The following FSCN1 variants were observed in gnomAD, a reference collection of about 807,000 sequenced individuals.
FSCN1 encodes the protein fascin.
Under a neutral mutation model 39.7 loss-of-function variants are expected in FSCN1, and 10 were observed. The observed-to-expected ratio is 0.25, with a 90% CI of 0.16 to 0.43. The LOEUF (loss-of-function observed/expected upper bound fraction) is 0.43. Ranked by LOEUF, FSCN1 falls within the 20% of genes least tolerant of loss-of-function variation. The probability of loss-of-function intolerance (pLI) is 1.00; values close to 1 mark genes in which losing one functional copy is unlikely to be tolerated. For synonymous variants in FSCN1, 322 were observed against 320.0 expected, an observed-to-expected ratio of 1.01 and a Z score of -0.07; for missense variants, 525 against 723.8, an observed-to-expected ratio of 0.73 and a Z score of 3.15.
In FSCN1 at chr7:5,603,001, T is replaced by C. The variant is rs1785861500; in HGVS notation, c.833-256T>C. ...TTGCGATCACAGGCATGAGCCCCTG[T>C]CCCTGGCCCCTATTATTTCTCTAAC... On this transcript the variant is annotated intron_variant, in intron 1 of 4. Coordinates refer to ENST00000382361, the MANE Select transcript of FSCN1 (RefSeq NM_003088.4). The surrounding 1 kb of genome is among the most constrained non-coding windows in gnomAD (Gnocchi z 8.5). 1 of 545,536 alleles carries C rather than the reference T, an allele frequency of 1.8e-6. No homozygotes were observed. Among genetic ancestry groups the C allele is most frequent in the South Asian group, 2.1e-5 (1 of 47,358 alleles). The allele number at this position is 545,536 out of a possible 1,614,324, so 33.8% of individuals were successfully genotyped here.
rs1191532651 is a variant in FSCN1 at position 5,603,034 on chromosome 7, A to G, written c.833-223A>G. The G allele has an allele frequency of 5.7e-5, 33 of 580,036 alleles. No homozygotes were observed. Among genetic ancestry groups the G allele is most frequent in the Middle Eastern group, 4.6e-4 (1 of 2,184 alleles). 35.9% of individuals were successfully genotyped at this position (580,036 alleles called of 1,614,324 possible). A position where few individuals can be genotyped will look rare whatever the true frequency, so the allele number is the denominator to read the frequency against. On this transcript the variant is annotated intron_variant, in intron 1 of 4. Coordinates refer to ENST00000382361, the MANE Select transcript of FSCN1 (RefSeq NM_003088.4). The surrounding 1 kb of genome is among the most constrained non-coding windows in gnomAD (Gnocchi z 8.5). ...CCCTATTATTTCTCTAACTGGGGAAAGTCATGTGGGAACAGATGTAGCTTG... is the reference window on the plus strand; with the variant it reads ...CCCTATTATTTCTCTAACTGGGGAAGGTCATGTGGGAACAGATGTAGCTTG...
chr7:5,596,119 C>T (rs564443174), intron 1 of FSCN1, among the ~76,000 whole-genome samples: 2 of 128,726 alleles, frequency 1.6e-5, no homozygotes, highest in African/African-American at 3.1e-5. Context: ...AGCCAACTCC[C>T]GGGGGGCTTT....
Position 5,603,059 on chromosome 7 carries a change from GCCTTGGCCTCTGACCGGC to G in FSCN1, c.833-194_833-177del. 3.3e-6 allele frequency: 2 copies of G among 610,426 alleles called. No homozygotes were observed. The highest frequency in any genetic ancestry group is 5.8e-6 in the Non-Finnish European group (2 of 344,554). The allele number at this position is 610,426 out of a possible 1,614,324, so 37.8% of individuals were successfully genotyped here. A position where few individuals can be genotyped will look rare whatever the true frequency, so the allele number is the denominator to read the frequency against. On this transcript the variant is annotated intron_variant, in intron 1 of 4. Coordinates refer to ENST00000382361, the MANE Select transcript of FSCN1 (RefSeq NM_003088.4). The surrounding 1 kb of genome is among the most constrained non-coding windows in gnomAD (Gnocchi z 8.5). ...AGTCATGTGGGAACAGATGTAGCTT[GCCTTGGCCTCTGACCGGC>G]CCTGCCTGCGTTCCTGGGTGCTCTC... is the stretch of plus-strand genomic sequence containing the variant.
At position 5,603,767 on chromosome 7, in the gene FSCN1, G is replaced by T; in HGVS notation, c.1112-96G>T. Reference sequence around the variant, plus strand: ...GCACTGTCCTACCCTGGGGACTGCTGTGTGACCCCAGCTCCTGGCCCTCCC... The same window carrying T: ...GCACTGTCCTACCCTGGGGACTGCTTTGTGACCCCAGCTCCTGGCCCTCCC... On this transcript the variant is annotated intron_variant, in intron 3 of 4. Coordinates refer to ENST00000382361, the MANE Select transcript of FSCN1 (RefSeq NM_003088.4). This position sits in a 1 kb window ranked among gnomAD's most constrained non-coding sequence, Gnocchi z 8.5. 1 of 1,488,302 alleles carries T rather than the reference G, an allele frequency of 6.7e-7. No individual in the cohort carries two copies. The highest frequency in any genetic ancestry group is 9.2e-7 in the Non-Finnish European group (1 of 1,083,200). 92.2% of individuals were successfully genotyped at this position (1,488,302 alleles called of 1,614,324 possible). A position where few individuals can be genotyped will look rare whatever the true frequency, so the allele number is the denominator to read the frequency against.
chr7:5,605,345 C>T lies in FSCN1; in HGVS notation c.1353C>T (p.Phe451=). Reference sequence around the variant, plus strand: ...GCAGCGGCGACACTCCTGTGGACTTCTTCTTCGAGTTCTGCGACTATAACA... The same window carrying T: ...GCAGCGGCGACACTCCTGTGGACTTTTTCTTCGAGTTCTGCGACTATAACA... The part of the protein sequence containing the change: ...VTSSGDTPVD[F]FFEFCDYNKV... The change falls in exon 5 of 5, where the codon TTC becomes TTT. Residue 451 remains phenylalanine (F), a synonymous_variant. Transcript: ENST00000382361. This position sits in a 1 kb window ranked among gnomAD's most constrained non-coding sequence, Gnocchi z 6.9. The T allele has an allele frequency of 6.2e-7, 1 of 1,613,910 alleles. No homozygotes were observed. Among genetic ancestry groups the T allele is most frequent in the Non-Finnish European group, 8.5e-7 (1 of 1,179,818 alleles).
At chr7:5,601,588 A>C (rs1472977612) in intron 1 of FSCN1, among the ~76,000 whole-genome samples, 1 of 152,194 alleles carries the variant, frequency 6.6e-6, no homozygotes, top group African/African-American at 2.4e-5. Flanking sequence ...CTGTAACCTC[A>C]GCACTTTGGG....
In FSCN1 at chr7:5,605,663, G is replaced by C. The variant is rs1785921410; in HGVS notation, c.*189G>C. On this transcript the variant is annotated 3_prime_UTR_variant, in exon 5 of 5. Transcript: ENST00000382361. The surrounding 1 kb of genome is among the most constrained non-coding windows in gnomAD (Gnocchi z 6.9). ...ACTCCCCACTCTCCCCTCCGCCCGGGTTCCCTACTCCCCTCGGGTCAGCGG... is the reference window on the plus strand; with the variant it reads ...ACTCCCCACTCTCCCCTCCGCCCGGCTTCCCTACTCCCCTCGGGTCAGCGG... 1 of 584,432 alleles carries C rather than the reference G, an allele frequency of 1.7e-6. No homozygotes were observed. The highest frequency in any genetic ancestry group is 2.1e-5 in the South Asian group (1 of 47,316). 36.2% of individuals were successfully genotyped at this position (584,432 alleles called of 1,614,324 possible).
At position 5,605,241 on chromosome 7, in the gene FSCN1, T is replaced by C. The variant is rs756286415; in HGVS notation, c.1280-31T>C. 1.7e-5 allele frequency: 26 copies of C among 1,559,886 alleles called. No individual in the cohort carries two copies. Among genetic ancestry groups the C allele is most frequent in the Non-Finnish European group, 2.3e-5 (26 of 1,132,282 alleles). On this transcript the variant is annotated intron_variant, in intron 4 of 4. Coordinates refer to ENST00000382361, the MANE Select transcript of FSCN1 (RefSeq NM_003088.4). The surrounding 1 kb of genome is among the most constrained non-coding windows in gnomAD (Gnocchi z 6.9). ...AGGGTAGGGGTGGGGAGCCAGGCTT[T>C]GGGCCCCACTTGATAAAGTCCCCTC...
rs528354052 is a variant in FSCN1, at chr7:5,593,359, G to A, written c.423G>A (p.Gln141=). ...KWSVHIAMHP[Q]VNIYSVTRKR... ...GCGTGCACATCGCCATGCACCCTCA[G>A]GTCAACATCTACAGCGTCACCCGTA... is the stretch of plus-strand genomic sequence containing the variant. Residue 141 remains glutamine (Q), a synonymous_variant, in exon 1 of 5, where the codon CAG becomes CAA. Coordinates refer to ENST00000382361, the MANE Select transcript of FSCN1 (RefSeq NM_003088.4). 37 of 1,612,404 alleles carry A rather than the reference G, an allele frequency of 2.3e-5. No individual in the cohort carries two copies. The African/African-American group carries it at 4.3e-4, about 19-fold the overall frequency.
chr7:5,602,286 C>G (rs893838075), intron 1 of FSCN1, among the ~76,000 whole-genome samples: 1 of 151,582 alleles, frequency 6.6e-6, no homozygotes, highest in Non-Finnish European at 1.5e-5. Flanking sequence ...ATCCTCCTGA[C>G]TTGGCCTCCC....
intron 1 of FSCN1, among the ~76,000 whole-genome samples, chr7:5,597,759 AAAG>A (rs1015333080): frequency 4.6e-5 from 7 of 151,904 alleles, no homozygotes; most frequent in South Asian, 4.1e-4. Flanking sequence ...AAAAAAAAAA[AAAG>A]AGAGGATGGC....
Position 5,605,198 on chromosome 7 carries a change from G to GTT in FSCN1, c.1280-74_1280-73insTT. 8.7e-7 allele frequency: 1 copy of GTT among 1,147,576 alleles called. No homozygotes were observed. Among genetic ancestry groups the GTT allele is most frequent in the Non-Finnish European group, 1.3e-6 (1 of 770,936 alleles). The allele number at this position is 1,147,576 out of a possible 1,614,324, so 71.1% of individuals were successfully genotyped here. A position where few individuals can be genotyped will look rare whatever the true frequency, so the allele number is the denominator to read the frequency against. ...GGGCGTCACCCTTGGGAACACCCGT[G>GTT]CCCACCCTCCGCTGCCCAGGGTAGG... On this transcript the variant is annotated intron_variant, in intron 4 of 4. Coordinates refer to ENST00000382361, the MANE Select transcript of FSCN1 (RefSeq NM_003088.4). The surrounding 1 kb of genome is among the most constrained non-coding windows in gnomAD (Gnocchi z 6.9).
rs542835059 is a variant in FSCN1, at chr7:5,601,681, G to GA, written c.833-1567dup. Among the ~76,000 whole-genome samples, 26 of 151,232 alleles carry GA rather than the reference G, an allele frequency of 1.7e-4. 1 individual carries two copies. The South Asian group carries it at 5.5e-3, about 32-fold the overall frequency. On this transcript the variant is annotated intron_variant, in intron 1 of 4. Transcript: ENST00000382361. ...AGCCAGACCCTGTCTGTACCAAATA[G>GA]AAAAAAAAATTAACTTGATGTGGTG...
At chr7:5,596,705 C>A (rs1785736639) in intron 1 of FSCN1, among the ~76,000 whole-genome samples, 1 of 152,198 alleles carries the variant, frequency 6.6e-6, no homozygotes. Flanking sequence ...TGCCCTCTCC[C>A]AGCCACTCTG....
In FSCN1 at chr7:5,599,351, G is replaced by A. The variant is rs1012976293; in HGVS notation, c.833-3906G>A. On this transcript the variant is annotated intron_variant, in intron 1 of 4. Coordinates refer to ENST00000382361, the MANE Select transcript of FSCN1 (RefSeq NM_003088.4). The surrounding 1 kb of genome is among the most constrained non-coding windows in gnomAD (Gnocchi z 5.6). ...GGCAGGGAAAGGGCGTGGCAAGAGG[G>A]CCACCCACCTCCGGTCCAGAGAGCC... Among the ~76,000 whole-genome samples, 2 of 152,154 alleles carry A rather than the reference G, an allele frequency of 1.3e-5. No homozygotes were observed. The highest frequency in any genetic ancestry group is 4.8e-5 in the African/African-American group (2 of 41,434).
rs1203225944 is a variant in FSCN1 at position 5,599,409 on chromosome 7, C to T, written c.833-3848C>T. 6.6e-6 allele frequency among the ~76,000 whole-genome samples: 1 copy of T among 152,162 alleles called. No individual in the cohort carries two copies. Among genetic ancestry groups the T allele is most frequent in the Non-Finnish European group, 1.5e-5 (1 of 68,030 alleles). ...CCCTTACTTTCTCTTGCTGTGTGAC[C>T]TTAGGCAAGGACATGCCACCACCGG... On this transcript the variant is annotated intron_variant, in intron 1 of 4. Coordinates refer to ENST00000382361, the MANE Select transcript of FSCN1 (RefSeq NM_003088.4). This position sits in a 1 kb window ranked among gnomAD's most constrained non-coding sequence, Gnocchi z 5.6.
rs1226336045 is a variant in FSCN1 at position 5,605,089 on chromosome 7, C to T, written c.1280-183C>T. Among the ~76,000 whole-genome samples the T allele has an allele frequency of 1.3e-5, 2 of 152,222 alleles. No individual in the cohort carries two copies. The highest frequency in any genetic ancestry group is 2.9e-5 in the Non-Finnish European group (2 of 68,032). On this transcript the variant is annotated intron_variant, in intron 4 of 4. Transcript: ENST00000382361. This position sits in a 1 kb window ranked among gnomAD's most constrained non-coding sequence, Gnocchi z 6.9. ...CGGCCGAGCAGAACACGTTCTAGGA[C>T]CCTTGTTCATGTGTCCATCATGGAC...
chr7:5,594,109 G>T (rs1479174037), intron 1 of FSCN1: 2 of 267,038 alleles, frequency 7.5e-6, no homozygotes, highest in Non-Finnish European at 1.3e-5. Context: ...AGCTGTCCCA[G>T]CTCTTGCGGA....
At chr7:5,604,708 T>C (rs1443691983) in intron 4 of FSCN1, among the ~76,000 whole-genome samples, 2 of 152,132 alleles carry the variant, frequency 1.3e-5, no homozygotes, top group Non-Finnish European at 2.9e-5. Flanking sequence ...TTATCTCGGC[T>C]CTCTGCAACC....
Sources: allele counts gnomAD v4.1 joint callset (sites outside exome capture counted in the v4.1 genomes callset), GRCh38; gene constraint gnomAD v4.1.1; non-coding constraint Gnocchi (gnomAD v3.1); transcripts MANE v1.5; gene names NCBI Gene and HGNC (gene_info 2026-07-23, HGNC 2026-07-21).